Variants in SLC12A9 observed in about 807,000 individuals in gnomAD.
SLC12A9 encodes solute carrier family 12 member 9.
SLC12A9 carries 55 observed loss-of-function variants against 66.0 expected under a neutral mutation model. The observed-to-expected ratio is 0.83, with a 90% CI of 0.67 to 1.04. The LOEUF (loss-of-function observed/expected upper bound fraction) is 1.04. SLC12A9 is among the 50% of genes least tolerant of loss of function. The pLI, the probability that SLC12A9 is intolerant of heterozygous loss-of-function variation, is 0.00. For missense variants in SLC12A9, 1,061 were observed against 1,241.9 expected (o/e 0.85, Z 2.19); for synonymous variants, 577 against 569.0 (o/e 1.01, Z -0.20).
Position 100,854,732 on chromosome 7 carries a change from C to T in SLC12A9, c.294C>T (p.Ala98=), listed in dbSNP as rs150025295. 1.7e-5 allele frequency: 28 copies of T among 1,613,874 alleles called. No individual in the cohort carries two copies. The highest frequency in any genetic ancestry group is 1.6e-4 in the Middle Eastern group (1 of 6,084). Residue 98 remains alanine, a synonymous_variant, in exon 3 of 14, where the codon GCC becomes GCT. Coordinates refer to ENST00000354161, the MANE Select transcript of SLC12A9 (RefSeq NM_020246.4). Reference sequence around the variant, plus strand: ...TCTGTGCCATCGCCACCAATGGAGCCGTGCAGGGGGGCGGAGCCTACTGTA... The same window carrying T: ...TCTGTGCCATCGCCACCAATGGAGCTGTGCAGGGGGGCGGAGCCTACTGTA... ...LSVCAIATNG[A]VQGGGAYFMI... is the part of the protein sequence containing the mutation.
At chr7:100,843,931 T>A (rs1026077596) in intron 1 of SLC12A9, among the ~76,000 whole-genome samples, 2 of 152,074 alleles carry the variant, frequency 1.3e-5, no homozygotes, top group Non-Finnish European at 2.9e-5. Context: ...TCCTTAAACA[T>A]CAGTAGACTG....
At chr7:100,828,887 G>A (rs1234466503) in intron 1 of SLC12A9, among the ~76,000 whole-genome samples, 8 of 151,938 alleles carry the variant, frequency 5.3e-5, no homozygotes, top group Non-Finnish European at 8.8e-5. Flanking sequence ...AACAGTATGG[G>A]TTACTGGATA....
At chr7:100,834,433 A>G (rs537199712) in intron 1 of SLC12A9, among the ~76,000 whole-genome samples, 103 of 152,232 alleles carry the variant, frequency 6.8e-4, no homozygotes, top group African/African-American at 1.3e-3. Flanking sequence ...CACTTATACA[A>G]TTTTGGAGAA....
intron 1 of SLC12A9, among the ~76,000 whole-genome samples, chr7:100,831,346 C>T (rs898638799): frequency 1.3e-5 from 2 of 152,104 alleles, no homozygotes; most frequent in Admixed American, 6.6e-5. Context: ...GCCACCACAC[C>T]GGGCTAATTT....
intron 13 of SLC12A9, chr7:100,865,408 G>T (rs555485533): frequency 4.4e-5 from 68 of 1,536,156 alleles, no homozygotes; most frequent in Non-Finnish European, 5.8e-5. Context: ...GCTAGAAGCC[G>T]GGAGTGGACA....
Position 100,855,842 on chromosome 7 carries a change from G to A in SLC12A9, c.448+5G>A. The A allele has an allele frequency of 6.2e-7, 1 of 1,600,658 alleles. No homozygotes were observed. On this transcript the variant is annotated splice_donor_5th_base_variant and intron_variant, in intron 4 of 13. Transcript: ENST00000354161. ...TGCTTGATGTCTTCGGGGCCGGTCT[G>A]TGCTCTGTCCGATCTGGGCAGTGCT...
At chr7:100,831,305 G>A (rs1037185368) in intron 1 of SLC12A9, among the ~76,000 whole-genome samples, 1 of 151,628 alleles carries the variant, frequency 6.6e-6, no homozygotes, top group African/African-American at 2.4e-5. Flanking sequence ...TCCCGCCTCA[G>A]CCTCCCAGGT....
chr7:100,858,798 T>A, intron 5 of SLC12A9, 37 bp from the exon 6 acceptor site: 1 of 1,604,104 alleles, frequency 6.2e-7, no homozygotes, highest in Non-Finnish European at 8.5e-7. Context: ...CTGAGACGGA[T>A]GCTGATGCAC....
intron 5 of SLC12A9, chr7:100,858,597 T>C (rs546497244): frequency 2.5e-6 from 1 of 401,916 alleles, no homozygotes; most frequent in Non-Finnish European, 4.6e-6. Context: ...CTCTAAAAAA[T>C]AAATAAATAA....
At chr7:100,842,489 G>A (rs1262911487) in intron 1 of SLC12A9, among the ~76,000 whole-genome samples, 1 of 152,186 alleles carries the variant, frequency 6.6e-6, no homozygotes, top group Non-Finnish European at 1.5e-5. Context: ...AAAGACCCCA[G>A]TGCCAACGAA....
Position 100,837,851 on chromosome 7 carries a change from A to ATT in SLC12A9, n.228+10830_228+10831dup, listed in dbSNP as rs11285489. On this transcript the variant is annotated intron_variant and non_coding_transcript_variant, in intron 1 of 1. Coordinates refer to the SLC12A9 transcript ENST00000461016. ...ATTTATTTTTAAAACATTTATTTCA[A>ATT]TTTTTTTTTTTTTTTTTTTTTTTTT... Among the ~76,000 whole-genome samples, 36 of 79,634 alleles carry ATT rather than the reference A, an allele frequency of 4.5e-4. 2 individuals are homozygous for ATT. Among genetic ancestry groups the ATT allele is most frequent in the Admixed American group, 1.7e-3 (12 of 6,874 alleles). 52.2% of individuals were successfully genotyped at this position (79,634 alleles called of 152,430 possible). A position where few individuals can be genotyped will look rare whatever the true frequency, so the allele number is the denominator to read the frequency against.
At chr7:100,848,083 C>CAAAAAAAAA (rs36071720), upstream of SLC12A9, among the ~76,000 whole-genome samples, 8 of 43,958 alleles carry the variant, frequency 1.8e-4, no homozygotes, top group East Asian at 7.6e-4. Context: ...GACTCCATCT[C>CAAAAAAAAA]AAAAAAAAAA....
At chr7:100,837,834 T>G (rs1002014593) in intron 1 of SLC12A9, among the ~76,000 whole-genome samples, 10 of 151,260 alleles carry the variant, frequency 6.6e-5, no homozygotes, top group Non-Finnish European at 1.2e-4. Flanking sequence ...CTATTTATTT[T>G]TAAAACATTT....
chr7:100,861,595 C>G lies in SLC12A9; in HGVS notation c.1536+11C>G, dbSNP rs759840322. On this transcript the variant is annotated intron_variant, in intron 11 of 13. Coordinates refer to ENST00000354161, the MANE Select transcript of SLC12A9 (RefSeq NM_020246.4). The surrounding 1 kb of genome is among the most constrained non-coding windows in gnomAD (Gnocchi z 5.3). ...TTGCTTTTCCACCAGGTATGGGGAGCTGGTGGGGCGGTGGGGAAATGGGAG... is the reference window on the plus strand; with the variant it reads ...TTGCTTTTCCACCAGGTATGGGGAGGTGGTGGGGCGGTGGGGAAATGGGAG... 9.9e-6 allele frequency: 16 copies of G among 1,611,322 alleles called. No homozygotes were observed. The Admixed American group carries it at 2.0e-4, about 20-fold the overall frequency.
chr7:100,832,444 T>C (rs1813561885), intron 1 of SLC12A9, among the ~76,000 whole-genome samples: 2 of 150,928 alleles, frequency 1.3e-5, no homozygotes, highest in Non-Finnish European at 1.5e-5. Flanking sequence ...GCCTGAGAGG[T>C]CTAGGCTGCA....
chr7:100,862,675 C>G lies in SLC12A9; in HGVS notation c.1712-6C>G. 1 of 1,614,080 alleles carries G rather than the reference C, an allele frequency of 6.2e-7. No individual in the cohort carries two copies. Among genetic ancestry groups the G allele is most frequent in the Middle Eastern group, 1.7e-4 (1 of 6,048 alleles). ...GGCTACCTTCCTTTCCTTATCTTCTCTGTAGACTCCCTGCCCTCGGACCCT... is the reference window on the plus strand; with the variant it reads ...GGCTACCTTCCTTTCCTTATCTTCTGTGTAGACTCCCTGCCCTCGGACCCT... On this transcript the variant is annotated splice_polypyrimidine_tract_variant and splice_region_variant and intron_variant, in intron 12 of 13. Coordinates refer to ENST00000354161, the MANE Select transcript of SLC12A9 (RefSeq NM_020246.4).
At chr7:100,834,248 TGC>T (rs1813599380) in intron 1 of SLC12A9, among the ~76,000 whole-genome samples, 1 of 152,094 alleles carries the variant, frequency 6.6e-6, no homozygotes, top group South Asian at 2.1e-4. Flanking sequence ...TTCAGAGAGC[TGC>T]CAGAGTTCAC....
chr7:100,839,014 T>C (rs1813724901), intron 1 of SLC12A9, among the ~76,000 whole-genome samples: 1 of 151,686 alleles, frequency 6.6e-6, no homozygotes, highest in African/African-American at 2.4e-5. Context: ...CCCCTTAGAG[T>C]TGTGAGCCCT....
rs1243627993 is a variant in SLC12A9, at chr7:100,865,791, AC to A, written c.1934del (p.Pro645ArgfsTer18). The A allele has an allele frequency of 1.7e-5, 28 of 1,613,850 alleles. No individual in the cohort carries two copies. Among genetic ancestry groups the A allele is most frequent in the Non-Finnish European group, 2.4e-5 (28 of 1,180,020 alleles). ...DAPPQDHFLT[D>X]PAFSEPADST... Reference sequence around the variant, plus strand: ...CCACCGCAGGACCATTTCCTGACGGACCCGGCTTTCTCTGAGCCTGCAGACA... The same window carrying A: ...CCACCGCAGGACCATTTCCTGACGGACCGGCTTTCTCTGAGCCTGCAGACA... On this transcript the variant is annotated frameshift_variant, in exon 14 of 14. Transcript: ENST00000354161. LOFTEE classifies it high-confidence loss of function.
Sources: gnomAD v4.1 joint callset for allele counts (sites outside exome capture counted in the v4.1 genomes callset) on GRCh38, gnomAD v4.1.1 for gene constraint, Gnocchi (gnomAD v3.1) non-coding constraint, MANE v1.5 for transcripts, NCBI Gene and HGNC (gene_info 2026-07-23, HGNC 2026-07-21) for gene names.